MRPS11: variants seen among roughly 807,000 people sequenced by gnomAD.
The protein encoded by MRPS11 is small ribosomal subunit protein uS11m.
A neutral mutation model predicts 24.3 loss-of-function variants in MRPS11; 27 were observed. The observed-to-expected ratio is 1.11, with a 90% CI of 0.82 to 1.53. The LOEUF (loss-of-function observed/expected upper bound fraction) is 1.53. MRPS11 is among the 40% of genes most tolerant of loss of function. The pLI is 0.00. For missense variants in MRPS11, 277 were observed against 256.5 expected (o/e 1.08, Z -0.55); for synonymous variants, 104 against 98.7 (o/e 1.05, Z -0.32).
At position 88,477,102 on chromosome 15, in the gene MRPS11, A is replaced by C; in HGVS notation, c.477+48A>C. On this transcript the variant is annotated intron_variant, in intron 5 of 5. Coordinates refer to ENST00000325844, the MANE Select transcript of MRPS11 (RefSeq NM_022839.5). The surrounding 1 kb of genome is among the most constrained non-coding windows in gnomAD (Gnocchi z 5.7). Reference sequence around the variant, plus strand: ...GTGTACTTGCCTCCTAGTAAGTGTGAGAATTTGGGGCTTGAGAGCAGAGTA... The same window carrying C: ...GTGTACTTGCCTCCTAGTAAGTGTGCGAATTTGGGGCTTGAGAGCAGAGTA... 1 of 1,579,212 alleles carries C rather than the reference A, an allele frequency of 6.3e-7. No individual in the cohort carries two copies. Among genetic ancestry groups the C allele is most frequent in the Non-Finnish European group, 8.7e-7 (1 of 1,151,008 alleles).
rs1305724302 is a variant in MRPS11, at chr15:88,480,070, C to T, written c.*2091C>T. On this transcript the variant is annotated 3_prime_UTR_variant, in exon 6 of 6. Coordinates refer to ENST00000325844, the MANE Select transcript of MRPS11 (RefSeq NM_022839.5). This position sits in a 1 kb window ranked among gnomAD's most constrained non-coding sequence, Gnocchi z 5.1. Reference sequence around the variant, plus strand: ...TGCTGGGGTCCCCCTTGGCTGATCCCAAAAGGAAGCAAAAAGGAAGGGAAC... The same window carrying T: ...TGCTGGGGTCCCCCTTGGCTGATCCTAAAAGGAAGCAAAAAGGAAGGGAAC... The T allele has an allele frequency of 6.6e-6, 1 of 152,198 alleles. No individual in the cohort carries two copies. Among genetic ancestry groups the T allele is most frequent in the Admixed American group, 6.5e-5 (1 of 15,278 alleles). The allele number at this position is 152,198 out of a possible 1,614,324, so 9.4% of individuals were successfully genotyped here.
intron 2 of MRPS11, among the ~76,000 whole-genome samples, chr15:88,470,349 A>C (rs1321166653): frequency 6.6e-6 from 1 of 152,224 alleles, no homozygotes; most frequent in African/African-American, 2.4e-5. Flanking sequence ...TTCAAGAGTC[A>C]GACTTCAGAC....
chr15:88,471,804 A>G (rs944012521), intron 2 of MRPS11, among the ~76,000 whole-genome samples: 3 of 152,238 alleles, frequency 2.0e-5, no homozygotes, highest in South Asian at 2.1e-4. Context: ...ACGCAACACA[A>G]TGTGTTCACA....
At chr15:88,471,220 AG>A (rs1189828701) in intron 2 of MRPS11, among the ~76,000 whole-genome samples, 1 of 152,230 alleles carries the variant, frequency 6.6e-6, no homozygotes. Flanking sequence ...ATAATTGAAC[AG>A]GGTATGTGCT....
At chr15:88,476,359 G>C (rs2055823167) in intron 4 of MRPS11, among the ~76,000 whole-genome samples, 1 of 152,136 alleles carries the variant, frequency 6.6e-6, no homozygotes, top group Admixed American at 6.5e-5. Flanking sequence ...TGCCAAACCA[G>C]ATGTATTTCC....
chr15:88,472,372 A>G, intron 2 of MRPS11: 2 of 395,928 alleles, frequency 5.1e-6, no homozygotes, highest in Non-Finnish European at 4.7e-6. Context: ...GAAGATGGGG[A>G]GTATGCATGA....
At position 88,469,767 on chromosome 15, in the gene MRPS11, C is replaced by T. The variant is rs889415720; in HGVS notation, c.182+1743C>T. On this transcript the variant is annotated intron_variant, in intron 2 of 5. Coordinates refer to ENST00000325844, the MANE Select transcript of MRPS11 (RefSeq NM_022839.5). This position sits in a 1 kb window ranked among gnomAD's most constrained non-coding sequence, Gnocchi z 4.4. ...TAATCCAGACAAGAAACAATGGTGGCTTGGACCATGGTTATTGCCATGGAG... is the reference window on the plus strand; with the variant it reads ...TAATCCAGACAAGAAACAATGGTGGTTTGGACCATGGTTATTGCCATGGAG... 6.6e-6 allele frequency among the ~76,000 whole-genome samples: 1 copy of T among 152,120 alleles called. No homozygotes were observed. Among genetic ancestry groups the T allele is most frequent in the African/African-American group, 2.4e-5 (1 of 41,412 alleles).
rs2142206890 is a variant in MRPS11 at position 88,469,354 on chromosome 15, A to G, written c.182+1330A>G. 6.6e-6 allele frequency among the ~76,000 whole-genome samples: 1 copy of G among 152,360 alleles called. No homozygotes were observed. The highest frequency in any genetic ancestry group is 1.9e-4 in the East Asian group (1 of 5,186). On this transcript the variant is annotated intron_variant, in intron 2 of 5. Coordinates refer to ENST00000325844, the MANE Select transcript of MRPS11 (RefSeq NM_022839.5). This position sits in a 1 kb window ranked among gnomAD's most constrained non-coding sequence, Gnocchi z 4.4. ...AGATTCTGTTGTAGTCATTTCTTCAACAATGCCAGGCACTGTTCAGAGTGT... is the reference window on the plus strand; with the variant it reads ...AGATTCTGTTGTAGTCATTTCTTCAGCAATGCCAGGCACTGTTCAGAGTGT...
intron 3 of MRPS11, 149 bp downstream of exon 3, chr15:88,472,874 C>G: frequency 1.8e-6 from 1 of 569,530 alleles, no homozygotes; most frequent in Non-Finnish European, 3.1e-6. Flanking sequence ...CGTCTTCCTC[C>G]TCACTTGAGG....
chr15:88,471,403 G>T lies in MRPS11; in HGVS notation c.183-1224G>T, dbSNP rs544822255. Among the ~76,000 whole-genome samples, 8 of 152,340 alleles carry T rather than the reference G, an allele frequency of 5.3e-5. No individual in the cohort carries two copies. The South Asian group carries it at 1.2e-3, about 24-fold the overall frequency. On this transcript the variant is annotated intron_variant, in intron 2 of 5. Transcript: ENST00000325844. Reference sequence around the variant, plus strand: ...TAGATTATAATATAATTTCTAAAATGGAGTCTATTGTATTTCAAGTGGCTG... The same window carrying T: ...TAGATTATAATATAATTTCTAAAATTGAGTCTATTGTATTTCAAGTGGCTG...
chr15:88,475,316 CATT>C lies in MRPS11; in HGVS notation c.411+80_411+82del, dbSNP rs1249758719. On this transcript the variant is annotated intron_variant, in intron 4 of 5. Transcript: ENST00000325844. The surrounding 1 kb of genome is among the most constrained non-coding windows in gnomAD (Gnocchi z 4.1). ...GGCTCATCACTGAGTGGAGAATCCT[CATT>C]ATACTACCCATTCAGAAGCAAGGGT... 4.4e-6 allele frequency: 7 copies of C among 1,582,174 alleles called. No individual in the cohort carries two copies. In the African/African-American group the frequency reaches 9.4e-5, roughly 21 times the overall value.
intron 4 of MRPS11, 187 bp from the exon 5 acceptor site, chr15:88,476,802 C>T (rs894304643): frequency 6.6e-5 from 39 of 592,158 alleles, no homozygotes; most frequent in Non-Finnish European, 1.1e-4. Context: ...ATTCTGCAAC[C>T]TGCCAAATTC....
rs12101458 is a variant in MRPS11, at chr15:88,468,370, A to G, written c.182+346A>G. The G allele has an allele frequency of 0.015, 16,449 of 1,124,766 alleles. 1,834 individuals carry two copies. The African/African-American group carries it at 0.24, about 16-fold the overall frequency. The allele number at this position is 1,124,766 out of a possible 1,614,324, so 69.7% of individuals were successfully genotyped here. On this transcript the variant is annotated intron_variant, in intron 2 of 5. Transcript: ENST00000325844. ...TGCCTCCAAAACAAAATGGGGAGGTAGAGGGCGCTAGCGATGGAACAGATG... is the reference window on the plus strand; with the variant it reads ...TGCCTCCAAAACAAAATGGGGAGGTGGAGGGCGCTAGCGATGGAACAGATG...
Position 88,475,044 on chromosome 15 carries a change from A to G in MRPS11, c.282-66A>G. 3.2e-6 allele frequency: 5 copies of G among 1,577,770 alleles called. No individual in the cohort carries two copies. The highest frequency in any genetic ancestry group is 4.3e-6 in the Non-Finnish European group (5 of 1,159,088). On this transcript the variant is annotated intron_variant, in intron 3 of 5. Coordinates refer to ENST00000325844, the MANE Select transcript of MRPS11 (RefSeq NM_022839.5). This position sits in a 1 kb window ranked among gnomAD's most constrained non-coding sequence, Gnocchi z 4.1. The stretch of plus-strand genomic sequence containing the variant: ...TTCTCACCCAGGCTTCTAGGGGCAT[A>G]GATTAGCTCTCTCTTATTTCCCTGA...
At chr15:88,472,994 CA>C (rs1307418608) in intron 3 of MRPS11, among the ~76,000 whole-genome samples, 2 of 152,018 alleles carry the variant, frequency 1.3e-5, no homozygotes, top group African/African-American at 4.8e-5. Context: ...TGGTTTTGCT[CA>C]AGAGTTGGAA....
At chr15:88,471,912 G>A (rs2055713528) in intron 2 of MRPS11, among the ~76,000 whole-genome samples, 1 of 152,202 alleles carries the variant, frequency 6.6e-6, no homozygotes, top group South Asian at 2.1e-4. Context: ...GCTGACTGAT[G>A]TTCAGCCTGC....
At chr15:88,468,629 G>A (rs1442006044) in intron 2 of MRPS11, 1 of 486,638 alleles carries the variant, frequency 2.1e-6, no homozygotes, top group Non-Finnish European at 2.7e-6. Context: ...CAGTCTTTGA[G>A]GGAAGACAAA....
At chr15:88,470,910 G>A (rs530174522) in intron 2 of MRPS11, among the ~76,000 whole-genome samples, 1 of 152,320 alleles carries the variant, frequency 6.6e-6, no homozygotes, top group East Asian at 1.9e-4. Flanking sequence ...TTTCAGTTTG[G>A]AACATAACAA....
chr15:88,476,075 C>T (rs1178525315), intron 4 of MRPS11, among the ~76,000 whole-genome samples: 2 of 152,192 alleles, frequency 1.3e-5, no homozygotes, highest in African/African-American at 2.4e-5. Context: ...CCAGTGTGAA[C>T]TGTCGTAGAC....
Sources: allele counts gnomAD v4.1 joint callset (sites outside exome capture counted in the v4.1 genomes callset), GRCh38; gene constraint gnomAD v4.1.1; non-coding constraint Gnocchi (gnomAD v3.1); transcripts MANE v1.5; gene names NCBI Gene and HGNC (gene_info 2026-07-23, HGNC 2026-07-21).